Variants in GABRG3 observed in about 807,000 individuals in gnomAD.
GABRG3 encodes the protein gamma-aminobutyric acid type A receptor subunit gamma3, also known as gamma-aminobutyric acid receptor subunit gamma-3.
GABRG3 carries 25 observed loss-of-function variants against 48.8 expected under a neutral mutation model. The ratio of observed to expected loss-of-function variants is 0.51; its 90% CI spans 0.37 to 0.72. The LOEUF is 0.72. Ranked by LOEUF, GABRG3 falls within the 30% of genes least tolerant of loss-of-function variation. The pLI is 0.00. For synonymous variants in GABRG3, 227 were observed against 217.6 expected (o/e 1.04, Z -0.38); for missense variants, 394 against 577.9 (o/e 0.68, Z 3.26).
At chr15:27,120,984 T>G (rs753032189) in intron 3 of GABRG3, among the ~76,000 whole-genome samples, 3 of 152,178 alleles carry the variant, frequency 2.0e-5, no homozygotes, top group Non-Finnish European at 4.4e-5. Flanking sequence ...AAGTAAGTAA[T>G]CTGAGGTCAT....
chr15:27,340,420 C>A (rs1894131237), intron 5 of GABRG3: 1 of 152,118 alleles, frequency 6.6e-6, no homozygotes, highest in Admixed American at 6.5e-5. Flanking sequence ...AAATAATCTA[C>A]CCACCAATGT....
chr15:27,339,823 G>A (rs975468151), intron 5 of GABRG3, among the ~76,000 whole-genome samples: 6 of 152,146 alleles, frequency 3.9e-5, no homozygotes, highest in African/African-American at 1.4e-4. Flanking sequence ...CAGCTTCTGA[G>A]GATAAGAAGG....
rs1387435927 is a variant in GABRG3 at position 27,180,096 on chromosome 15, G to A, written c.271-146713G>A. Among the ~76,000 whole-genome samples the A allele has an allele frequency of 6.6e-6, 1 of 152,126 alleles. No individual in the cohort carries two copies. Among genetic ancestry groups the A allele is most frequent in the Admixed American group, 6.5e-5 (1 of 15,286 alleles). ...TCTTGGCCTTCCCCAGGAGACTGTG[G>A]GGCTCGTTGCACTTGTTTTACCAAT... On this transcript the variant is annotated intron_variant, in intron 3 of 9. Coordinates refer to ENST00000615808, the MANE Select transcript of GABRG3 (RefSeq NM_033223.5). This position sits in a 1 kb window ranked among gnomAD's most constrained non-coding sequence, Gnocchi z 4.2.
At chr15:27,046,111 G>T (rs552578771) in intron 3 of GABRG3, among the ~76,000 whole-genome samples, 38 of 151,686 alleles carry the variant, frequency 2.5e-4, no homozygotes, top group Admixed American at 7.2e-4. Context: ...TTATTTTTTT[G>T]AGATGGAGTT....
intron 3 of GABRG3, among the ~76,000 whole-genome samples, chr15:27,094,635 G>T (rs1050525374): frequency 6.6e-6 from 1 of 152,124 alleles, no homozygotes; most frequent in African/African-American, 2.4e-5. Context: ...TTGGAATTGG[G>T]CCTGAGAGCA....
intron 3 of GABRG3, among the ~76,000 whole-genome samples, chr15:27,242,241 G>C (rs1276825548): frequency 6.6e-6 from 1 of 152,214 alleles, no homozygotes; most frequent in Non-Finnish European, 1.5e-5. Flanking sequence ...TGCAGAGGTG[G>C]CTGGGAGATT....
At chr15:27,004,791 C>G (rs1053988011) in intron 2 of GABRG3, among the ~76,000 whole-genome samples, 3 of 152,196 alleles carry the variant, frequency 2.0e-5, no homozygotes, top group Non-Finnish European at 4.4e-5. Context: ...TACCTGCATT[C>G]GACATTTGTA....
At chr15:27,288,730 A>AAAT (rs1555415324) in intron 3 of GABRG3, among the ~76,000 whole-genome samples, 160 of 150,598 alleles carry the variant, frequency 1.1e-3, no homozygotes, top group Middle Eastern at 3.4e-3. Flanking sequence ...AAAAAAAAAA[A>AAAT]AATAAGAGGA....
At chr15:27,091,065 C>G (rs982031205) in intron 3 of GABRG3, among the ~76,000 whole-genome samples, 35 of 152,208 alleles carry the variant, frequency 2.3e-4, no homozygotes, top group African/African-American at 8.4e-4. Flanking sequence ...ATACTTGTCT[C>G]GTTCCTGTTC....
intron 3 of GABRG3, among the ~76,000 whole-genome samples, chr15:27,072,404 C>A (rs1255856005): frequency 6.6e-6 from 1 of 152,082 alleles, no homozygotes; most frequent in Non-Finnish European, 1.5e-5. Flanking sequence ...TCATTCCTAA[C>A]CACCCAGGTA....
At chr15:27,354,148 C>A (rs948056697) in intron 5 of GABRG3, among the ~76,000 whole-genome samples, 2 of 152,124 alleles carry the variant, frequency 1.3e-5, no homozygotes, top group Admixed American at 1.3e-4. Flanking sequence ...CGTCTCATAG[C>A]CTGAAAAATT....
intron 5 of GABRG3, among the ~76,000 whole-genome samples, chr15:27,425,575 C>T (rs1030996999): frequency 1.8e-4 from 27 of 151,968 alleles, no homozygotes; most frequent in African/African-American, 6.5e-4. Flanking sequence ...CACACCACTG[C>T]ACACCAGCCT....
chr15:27,388,264 A>G (rs142285564), intron 5 of GABRG3, among the ~76,000 whole-genome samples: 3 of 42,550 alleles, frequency 7.1e-5, no homozygotes, highest in Non-Finnish European at 1.3e-4. Flanking sequence ...GAAGGAAAGG[A>G]GGGAGGGAGG....
intron 3 of GABRG3, among the ~76,000 whole-genome samples, chr15:27,241,713 C>T (rs1890133507): frequency 1.3e-5 from 2 of 152,240 alleles, no homozygotes; most frequent in South Asian, 4.1e-4. Context: ...AGTCCACAAA[C>T]ATCCTATAAT....
intron 5 of GABRG3, among the ~76,000 whole-genome samples, chr15:27,405,849 C>CGGG: frequency 7.0e-6 from 1 of 142,208 alleles, no homozygotes; most frequent in African/African-American, 2.9e-5. Context: ...GATTCTAGGA[C>CGGG]TGGGGGAGGG....
chr15:27,240,427 C>T (rs17137714), intron 3 of GABRG3, among the ~76,000 whole-genome samples: 20,764 of 152,076 alleles, frequency 0.14, 1,532 homozygotes, highest in African/African-American at 0.18. Context: ...AATGACGACT[C>T]CATCCAAGTT....
chr15:27,321,354 G>A (rs1305794421), intron 3 of GABRG3, among the ~76,000 whole-genome samples: 2 of 152,298 alleles, frequency 1.3e-5, no homozygotes, highest in East Asian at 3.9e-4. Flanking sequence ...CCAGACCTTG[G>A]GAAAACCCTT....
intron 5 of GABRG3, among the ~76,000 whole-genome samples, chr15:27,454,560 A>G (rs1889207354): frequency 6.6e-6 from 1 of 152,170 alleles, no homozygotes; most frequent in Admixed American, 6.5e-5. Flanking sequence ...TCAGTAATGC[A>G]TCACCATCCT....
intron 5 of GABRG3, among the ~76,000 whole-genome samples, chr15:27,394,525 A>G (rs8041104): frequency 0.49 from 73,689 of 151,874 alleles, 18,959 homozygotes; most frequent in East Asian, 0.99. Context: ...ATTTACCTAT[A>G]TAATTACATT....
Sources: allele counts gnomAD v4.1 joint callset (sites outside exome capture counted in the v4.1 genomes callset), GRCh38; gene constraint gnomAD v4.1.1; non-coding constraint Gnocchi (gnomAD v3.1); transcripts MANE v1.5; gene names NCBI Gene and HGNC (gene_info 2026-07-23, HGNC 2026-07-21).